Variants in ABLIM2 observed in about 807,000 individuals in gnomAD.
The protein encoded by ABLIM2 is actin-binding LIM protein 2.
ABLIM2 carries 53 observed loss-of-function variants against 97.7 expected under a neutral mutation model. The observed-to-expected ratio is 0.54, with a 90% CI of 0.44 to 0.68. ABLIM2 has a LOEUF of 0.68. ABLIM2 is among the 30% of genes least tolerant of loss of function. The probability of loss-of-function intolerance (pLI) is 0.00; values close to 1 mark genes in which losing one functional copy is unlikely to be tolerated. For missense variants in ABLIM2, 835 were observed against 867.2 expected, an observed-to-expected ratio of 0.96 and a Z score of 0.47; for synonymous variants, 361 against 345.8, an observed-to-expected ratio of 1.04 and a Z score of -0.49.
rs754679366 is a variant in ABLIM2 at position 7,996,188 on chromosome 4, G to A, written c.1619-3261C>T. Among the ~76,000 whole-genome samples, 35 of 152,318 alleles carry A rather than the reference G, an allele frequency of 2.3e-4. No individual in the cohort carries two copies. The highest frequency in any genetic ancestry group is 2.1e-3 in the South Asian group (10 of 4,818). On this transcript the variant is annotated intron_variant, in intron 16 of 20. Coordinates refer to ENST00000447017, the MANE Select transcript of ABLIM2 (RefSeq NM_001130083.2). This position sits in a 1 kb window ranked among gnomAD's most constrained non-coding sequence, Gnocchi z 4.5. ...CCTTGCCAGGGAACTCGTCAGAAAT[G>A]CAAATTAGTGGGCCCTACCCTAGAC...
intron 14 of ABLIM2, among the ~76,000 whole-genome samples, chr4:8,018,431 C>T (rs927707390): frequency 3.3e-5 from 5 of 152,140 alleles, no homozygotes; most frequent in African/African-American, 1.2e-4. Context: ...TCTAAGGGCC[C>T]TAGAGTCTAT....
chr4:8,023,503 C>T lies in ABLIM2; in HGVS notation c.1268-3200G>A, dbSNP rs1019435640. ...CCTCACCACATCCTATCAAGGGCAC[C>T]TGCTGTCAGCAGAGCGGATCACTGG... On this transcript the variant is annotated intron_variant, in intron 12 of 20. Transcript: ENST00000447017. The surrounding 1 kb of genome is among the most constrained non-coding windows in gnomAD (Gnocchi z 5.7). 6.6e-6 allele frequency among the ~76,000 whole-genome samples: 1 copy of T among 152,238 alleles called. No individual in the cohort carries two copies. The highest frequency in any genetic ancestry group is 1.5e-5 in the Non-Finnish European group (1 of 68,042).
chr4:7,992,981 G>A lies in ABLIM2; in HGVS notation c.1619-54C>T. 6.3e-7 allele frequency: 1 copy of A among 1,581,596 alleles called. No individual in the cohort carries two copies. Among genetic ancestry groups the A allele is most frequent in the South Asian group, 1.1e-5 (1 of 88,306 alleles). ...CGCGCGCAGACTCGGTGCAGCAATG[G>A]GGGTGCAGCCCTGGGGGGGCTTCCC... On this transcript the variant is annotated intron_variant, in intron 16 of 20. Coordinates refer to ENST00000447017, the MANE Select transcript of ABLIM2 (RefSeq NM_001130083.2). This position sits in a 1 kb window ranked among gnomAD's most constrained non-coding sequence, Gnocchi z 5.7.
At chr4:7,968,863 G>A (rs116330214) in intron 20 of ABLIM2, among the ~76,000 whole-genome samples, 2,207 of 152,274 alleles carry the variant, frequency 0.014, 55 homozygotes, top group African/African-American at 0.046. Flanking sequence ...AAAATGGGCC[G>A]GGGGTGGCAG....
intron 20 of ABLIM2, among the ~76,000 whole-genome samples, chr4:7,973,985 T>C (rs978425388): frequency 2.0e-5 from 3 of 152,226 alleles, no homozygotes; most frequent in Non-Finnish European, 1.5e-5. Context: ...ATGAAGTCTG[T>C]TGGCAGCCTG....
intron 14 of ABLIM2, among the ~76,000 whole-genome samples, chr4:8,012,919 C>T (rs527541685): frequency 6.6e-6 from 1 of 152,322 alleles, no homozygotes; most frequent in East Asian, 1.9e-4. Flanking sequence ...CCTCTGTTCA[C>T]CCTTAGCCCC....
rs1010440543 is a variant in ABLIM2 at position 8,128,122 on chromosome 4, CG to C, written c.11-21486del. Reference sequence around the variant, plus strand: ...TCTTCCCGCTGCTGGTGGCTCCAGGCGCCCTTTGGTATGTGGCTTCAGGGCT... The same window carrying C: ...TCTTCCCGCTGCTGGTGGCTCCAGGCCCCTTTGGTATGTGGCTTCAGGGCT... On this transcript the variant is annotated intron_variant, in intron 1 of 20. Coordinates refer to ENST00000447017, the MANE Select transcript of ABLIM2 (RefSeq NM_001130083.2). This position sits in a 1 kb window ranked among gnomAD's most constrained non-coding sequence, Gnocchi z 4.9. Among the ~76,000 whole-genome samples the C allele has an allele frequency of 6.6e-6, 1 of 152,186 alleles. No individual in the cohort carries two copies. Among genetic ancestry groups the C allele is most frequent in the Admixed American group, 6.5e-5 (1 of 15,288 alleles).
At chr4:8,157,733 C>T (rs913561255) in intron 1 of ABLIM2, among the ~76,000 whole-genome samples, 14 of 152,282 alleles carry the variant, frequency 9.2e-5, no homozygotes, top group African/African-American at 3.4e-4. Flanking sequence ...GCGCGACAGG[C>T]TTAGAGGAAA....
chr4:8,138,385 G>T (rs749313678), intron 1 of ABLIM2, among the ~76,000 whole-genome samples: 7 of 151,970 alleles, frequency 4.6e-5, no homozygotes, highest in Non-Finnish European at 1.0e-4. Flanking sequence ...CAATCATATG[G>T]AACCAAAAAA....
chr4:8,139,128 C>A (rs1280485519), intron 1 of ABLIM2, among the ~76,000 whole-genome samples: 1 of 151,548 alleles, frequency 6.6e-6, no homozygotes, highest in African/African-American at 2.4e-5. Flanking sequence ...ACCCAGGAGG[C>A]GGAGGTTGCA....
At chr4:8,093,801 C>T (rs1169056163) in intron 3 of ABLIM2, among the ~76,000 whole-genome samples, 1 of 152,148 alleles carries the variant, frequency 6.6e-6, no homozygotes, top group Non-Finnish European at 1.5e-5. Context: ...CACTGGTTTT[C>T]AGCAATTTGA....
chr4:8,022,193 T>C lies in ABLIM2; in HGVS notation c.1268-1890A>G, dbSNP rs138852845. On this transcript the variant is annotated intron_variant, in intron 12 of 20. Transcript: ENST00000447017. The surrounding 1 kb of genome is among the most constrained non-coding windows in gnomAD (Gnocchi z 7.8). ...TGCTTCAGGCACCATCTCTAAGCTG[T>C]GTGTGCTCTTGGCACAGCTCGTGGA... is the stretch of plus-strand genomic sequence containing the variant. 4.9e-3 allele frequency among the ~76,000 whole-genome samples: 745 copies of C among 152,328 alleles called. 7 individuals are homozygous for C. Among genetic ancestry groups the C allele is most frequent in the African/African-American group, 0.017 (701 of 41,582 alleles).
chr4:8,000,603 A>T (rs1756473797), intron 16 of ABLIM2, among the ~76,000 whole-genome samples: 1 of 152,012 alleles, frequency 6.6e-6, no homozygotes, highest in African/African-American at 2.4e-5. Flanking sequence ...GCTCTTCTGG[A>T]CAGTTCTGCG....
chr4:7,978,083 A>G (rs907018301), intron 20 of ABLIM2, among the ~76,000 whole-genome samples: 2 of 152,040 alleles, frequency 1.3e-5, no homozygotes, highest in African/African-American at 2.4e-5. Flanking sequence ...GACAGTTAAG[A>G]TTTTTTAAAT....
At chr4:8,093,129 G>A (rs964847162) in intron 3 of ABLIM2, among the ~76,000 whole-genome samples, 2 of 152,312 alleles carry the variant, frequency 1.3e-5, no homozygotes, top group East Asian at 1.9e-4. Flanking sequence ...GATTACAGGC[G>A]TGAGCCACCG....
chr4:8,154,326 G>C (rs1021234822), intron 1 of ABLIM2, among the ~76,000 whole-genome samples: 1 of 141,540 alleles, frequency 7.1e-6, no homozygotes, highest in African/African-American at 2.8e-5. Context: ...TCTGTCACCA[G>C]GCTGGAGTAT....
chr4:8,027,731 C>G (rs1232755396), intron 12 of ABLIM2, 28 bp downstream of exon 12: 8 of 1,514,784 alleles, frequency 5.3e-6, no homozygotes, highest in Non-Finnish European at 7.1e-6. Flanking sequence ...CCATGAGCAC[C>G]CACAGCCCAC....
chr4:8,072,116 G>A lies in ABLIM2; in HGVS notation c.675+5512C>T. 1.0e-6 allele frequency: 1 copy of A among 962,646 alleles called. No individual in the cohort carries two copies. Among genetic ancestry groups the A allele is most frequent in the Non-Finnish European group, 1.2e-6 (1 of 809,250 alleles). The allele number at this position is 962,646 out of a possible 1,614,324, so 59.6% of individuals were successfully genotyped here. A position where few individuals can be genotyped will look rare whatever the true frequency, so the allele number is the denominator to read the frequency against. ...CTCCCCGGCAGAGGCGAAAACAAAA[G>A]CATTAATCTTCCCCAGGAGGCCCTT... On this transcript the variant is annotated intron_variant, in intron 6 of 20. Coordinates refer to ENST00000447017, the MANE Select transcript of ABLIM2 (RefSeq NM_001130083.2). The surrounding 1 kb of genome is among the most constrained non-coding windows in gnomAD (Gnocchi z 5.8).
At chr4:8,106,443 C>G in intron 2 of ABLIM2, 51 bp downstream of exon 2, 2 of 1,561,156 alleles carry the variant, frequency 1.3e-6, no homozygotes, top group Non-Finnish European at 1.7e-6. Context: ...AGGATCGCCG[C>G]TGGGAGGCCC....
Sources: allele counts gnomAD v4.1 joint callset (sites outside exome capture counted in the v4.1 genomes callset), GRCh38; gene constraint gnomAD v4.1.1; non-coding constraint Gnocchi (gnomAD v3.1); transcripts MANE v1.5; gene names NCBI Gene and HGNC (gene_info 2026-07-23, HGNC 2026-07-21).